Variants in POGLUT1 observed in about 807,000 individuals in gnomAD.
The protein encoded by POGLUT1 is 9630046K23Rik.
Under a neutral mutation model 61.3 loss-of-function variants are expected in POGLUT1, and 32 were observed. The ratio of observed to expected loss-of-function variants is 0.52; its 90% CI spans 0.39 to 0.70. The LOEUF (loss-of-function observed/expected upper bound fraction) is 0.70, where lower values mean the gene tolerates loss of function less well. Ranked by LOEUF, POGLUT1 falls within the 30% of genes least tolerant of loss-of-function variation. The pLI is 0.00. For synonymous variants in POGLUT1, 158 were observed against 158.2 expected (o/e 1.00, Z 0.01); for missense variants, 411 against 469.8 (o/e 0.87, Z 1.16).
chr3:119,492,483 G>T lies in POGLUT1; in HGVS notation c.*45G>T. On this transcript the variant is annotated 3_prime_UTR_variant, in exon 11 of 11. Coordinates refer to ENST00000295588, the MANE Select transcript of POGLUT1 (RefSeq NM_152305.3). ...GTCCTCTTTGTGGCAACAGATCTCA[G>T]ATATCCTACGGTGAGAAGCTTACCA... The T allele has an allele frequency of 7.5e-7, 1 of 1,339,060 alleles. No homozygotes were observed. The highest frequency in any genetic ancestry group is 1.0e-6 in the Non-Finnish European group (1 of 971,818). 82.9% of individuals were successfully genotyped at this position (1,339,060 alleles called of 1,614,324 possible). A position where few individuals can be genotyped will look rare whatever the true frequency, so the allele number is the denominator to read the frequency against.
At chr3:119,489,646 T>C (rs1302857465) in intron 8 of POGLUT1, 2 of 151,824 alleles carry the variant, frequency 1.3e-5, no homozygotes, top group African/African-American at 4.8e-5. Flanking sequence ...TTTTCCCCTG[T>C]GGGCAATCTC....
At chr3:119,473,375 A>G (rs535177657) in intron 3 of POGLUT1, among the ~76,000 whole-genome samples, 1 of 152,296 alleles carries the variant, frequency 6.6e-6, no homozygotes, top group East Asian at 1.9e-4. Context: ...TCTGAAAGGC[A>G]CAATTCTCTT....
chr3:119,486,990 T>C (rs2081672757), intron 7 of POGLUT1, 58 bp downstream of exon 7: 1 of 1,090,484 alleles, frequency 9.2e-7, no homozygotes, highest in Non-Finnish European at 1.4e-6. Flanking sequence ...TCAAAGAACA[T>C]TGCCACCTGG....
intron 7 of POGLUT1, among the ~76,000 whole-genome samples, chr3:119,487,425 A>T (rs1306913000): frequency 6.6e-6 from 1 of 152,084 alleles, no homozygotes; most frequent in Non-Finnish European, 1.5e-5. Flanking sequence ...CGTCTCTACT[A>T]AAAACACAAA....
chr3:119,488,266 A>C (rs2081695161), intron 7 of POGLUT1: 1 of 152,180 alleles, frequency 6.6e-6, no homozygotes, highest in East Asian at 1.9e-4. Context: ...TCCCCTCATC[A>C]AGGAGTTTAC....
At chr3:119,477,767 C>G (rs761853424) in intron 4 of POGLUT1, among the ~76,000 whole-genome samples, 1 of 152,102 alleles carries the variant, frequency 6.6e-6, no homozygotes, top group Admixed American at 6.5e-5. Context: ...AGGAAGGGGT[C>G]CAAGAAAGCT....
chr3:119,483,646 G>C (rs2081631915), intron 5 of POGLUT1, among the ~76,000 whole-genome samples: 1 of 152,210 alleles, frequency 6.6e-6, no homozygotes, highest in South Asian at 2.1e-4. Context: ...TGTATGGTGT[G>C]ACCTCTGTTA....
chr3:119,480,787 G>A (rs1294861555), intron 5 of POGLUT1, among the ~76,000 whole-genome samples: 1 of 144,860 alleles, frequency 6.9e-6, no homozygotes, highest in African/African-American at 2.6e-5. Context: ...CTCCCAGGCT[G>A]GAGTGCAGTG....
rs867061711 is a variant in POGLUT1 at position 119,494,102 on chromosome 3, A to G, written c.*1664A>G. On this transcript the variant is annotated 3_prime_UTR_variant, in exon 11 of 11. Transcript: ENST00000295588. ...CATCACCTTCTTTCTGACTCCTTTC[A>G]TTCATTCCTCCAGGCAGTAAGGGGC... 1 of 152,168 alleles carries G rather than the reference A, an allele frequency of 6.6e-6. No homozygotes were observed. Among genetic ancestry groups the G allele is most frequent in the Non-Finnish European group, 1.5e-5 (1 of 68,036 alleles). 9.4% of individuals were successfully genotyped at this position (152,168 alleles called of 1,614,324 possible).
rs1215728822 is a variant in POGLUT1, at chr3:119,477,358, C to G, written c.366C>G (p.Leu122=). Residue 122 remains leucine, a synonymous_variant, in exon 4 of 11, where the codon CTC becomes CTG. Transcript: ENST00000295588. ...EHFILEVIGR[L]PDMEMVINVR... ...TTATTTTGGAAGTGATCGGGCGTCT[C>G]CCTGACATGGAGATGGTGATCAATG... is the stretch of plus-strand genomic sequence containing the variant. 2 of 1,614,056 alleles carry G rather than the reference C, an allele frequency of 1.2e-6. No individual in the cohort carries two copies. Among genetic ancestry groups the G allele is most frequent in the South Asian group, 1.1e-5 (1 of 91,078 alleles).
chr3:119,483,784 A>G (rs2107713232), intron 5 of POGLUT1, among the ~76,000 whole-genome samples: 1 of 152,290 alleles, frequency 6.6e-6, no homozygotes, highest in East Asian at 1.9e-4. Context: ...ACTAAATGCC[A>G]GTAGCAGTCC....
Position 119,469,915 on chromosome 3 carries a change from G to T in POGLUT1, c.176+5G>T, listed in dbSNP as rs768597856. The T allele has an allele frequency of 6.5e-7, 1 of 1,538,730 alleles. No individual in the cohort carries two copies. The highest frequency in any genetic ancestry group is 1.4e-5 in the African/African-American group (1 of 73,384). On this transcript the variant is annotated splice_donor_5th_base_variant and intron_variant, in intron 2 of 10. Transcript: ENST00000295588. ...AAACTGCAGCTGCTACCATGGGTGA[G>T]TTCTTTTCTTTGATGTGTCTTTGAG...
intron 7 of POGLUT1, among the ~76,000 whole-genome samples, chr3:119,487,481 G>A (rs192339889): frequency 1.7e-4 from 26 of 152,240 alleles, no homozygotes; most frequent in Admixed American, 1.6e-3. Flanking sequence ...CAGCTACTGG[G>A]GAGGCTGAGG....
In POGLUT1 at chr3:119,471,423, C is replaced by T; in HGVS notation, c.291C>T (p.Tyr97=). Residue 97 remains tyrosine (Y), a synonymous_variant, in exon 3 of 11, where the codon TAC becomes TAT. Coordinates refer to ENST00000295588, the MANE Select transcript of POGLUT1 (RefSeq NM_152305.3). ...THYQITKNRL[Y]RENDCMFPSR... The stretch of plus-strand genomic sequence containing the variant: ...ATCAGATCACTAAGAACAGACTGTA[C>T]CGGGAAAATGACTGCATGTTCCCCT... 1 of 1,614,004 alleles carries T rather than the reference C, an allele frequency of 6.2e-7. No homozygotes were observed. The highest frequency in any genetic ancestry group is 8.5e-7 in the Non-Finnish European group (1 of 1,179,884).
chr3:119,476,223 A>G (rs935050797), intron 3 of POGLUT1, among the ~76,000 whole-genome samples: 1 of 152,210 alleles, frequency 6.6e-6, no homozygotes, highest in Non-Finnish European at 1.5e-5. Context: ...TCCTACAAAG[A>G]GGCTAAACAC....
chr3:119,487,033 T>G (rs2081673398), intron 7 of POGLUT1, 101 bp downstream of exon 7: 1 of 786,750 alleles, frequency 1.3e-6, no homozygotes, highest in Non-Finnish European at 2.3e-6. Flanking sequence ...CTGTCAGTGG[T>G]GAGGTGAATG....
In POGLUT1 at chr3:119,469,836, AT is replaced by A; in HGVS notation, c.105del (p.Phe35LeufsTer27). On this transcript the variant is annotated frameshift_variant, in exon 2 of 11. Coordinates refer to ENST00000295588, the MANE Select transcript of POGLUT1 (RefSeq NM_152305.3). LOFTEE classifies it high-confidence loss of function. ...QKESGSKWKV[F>X]IDQINRSLEN... ...TTTTTAAAGGTTCAAAATGGAAAGT[AT>A]TTATTGACCAAATTAACAGGTCTTT... 6.3e-7 allele frequency: 1 copy of A among 1,598,416 alleles called. No individual in the cohort carries two copies. The highest frequency in any genetic ancestry group is 8.6e-7 in the Non-Finnish European group (1 of 1,165,818).
intron 3 of POGLUT1, chr3:119,471,959 C>T (rs60588168): frequency 0.13 from 21,527 of 163,832 alleles, 1,525 homozygotes; most frequent in South Asian, 0.17. Context: ...GCAAATAATC[C>T]GGCAGTGGCA....
intron 6 of POGLUT1, 103 bp downstream of exon 6, chr3:119,485,490 A>C: frequency 1.5e-6 from 1 of 647,380 alleles, no homozygotes; most frequent in African/African-American, 1.9e-5. Context: ...GGGAAAGCTA[A>C]GATAACAAAG....
Sources: allele counts gnomAD v4.1 joint callset (sites outside exome capture counted in the v4.1 genomes callset), GRCh38; gene constraint gnomAD v4.1.1; transcripts MANE v1.5; gene names NCBI Gene and HGNC (gene_info 2026-07-23, HGNC 2026-07-21).